Variants in INSYN1 observed in about 807,000 individuals in gnomAD.
INSYN1 encodes the protein inhibitory synaptic factor 1.
A neutral mutation model predicts 17.1 loss-of-function variants in INSYN1; 7 were observed. The observed-to-expected ratio is 0.41, with a 90% CI of 0.23 to 0.77. The LOEUF (loss-of-function observed/expected upper bound fraction) is 0.77, where lower values mean the gene tolerates loss of function less well. INSYN1 is among the 30% of genes least tolerant of loss of function. The pLI, the probability that INSYN1 is intolerant of heterozygous loss-of-function variation, is 0.32. For synonymous variants in INSYN1, 174 were observed against 166.3 expected (o/e 1.05, Z -0.36); for missense variants, 339 against 400.6 (o/e 0.85, Z 1.31).
chr15:73,747,164 C>A (rs1338469434), intron 2 of INSYN1, among the ~76,000 whole-genome samples: 1 of 152,164 alleles, frequency 6.6e-6, no homozygotes, highest in Non-Finnish European at 1.5e-5. Context: ...CCGGCTGCAC[C>A]CTCAGCCGGG....
intron 2 of INSYN1, among the ~76,000 whole-genome samples, chr15:73,743,070 C>A (rs1596037451): frequency 6.6e-6 from 1 of 152,326 alleles, no homozygotes; most frequent in Non-Finnish European, 1.5e-5. Flanking sequence ...AAATGAGACT[C>A]CCCTGATCAA....
chr15:73,745,521 C>T (rs1012733230), intron 2 of INSYN1, among the ~76,000 whole-genome samples: 96 of 152,198 alleles, frequency 6.3e-4, no homozygotes, highest in African/African-American at 2.3e-3. Context: ...CAATTTTGCA[C>T]CTATATGTTA....
Position 73,740,513 on chromosome 15 carries a change from C to T in INSYN1, c.286G>A (p.Gly96Ser). 1.2e-6 allele frequency: 2 copies of T among 1,614,038 alleles called. No individual in the cohort carries two copies. The highest frequency in any genetic ancestry group is 1.7e-6 in the Non-Finnish European group (2 of 1,180,038). Residue 96 changes from glycine to serine, a missense_variant, in exon 3 of 3, where the codon GGC becomes AGC. Physicochemically the swap from Gly to Ser is moderately conservative, Grantham distance 56. Coordinates refer to ENST00000569673, the MANE Select transcript of INSYN1 (RefSeq NM_001039614.3). ...KAGMGGPFDL[G>S]HLDFMTADIL... is the part of the protein sequence containing the mutation. ...TCGGCTGTCATGAAGTCCAGGTGGC[C>T]CAGGTCAAAGGGGCCACCCATGCCC...
intron 1 of INSYN1, among the ~76,000 whole-genome samples, 187 bp from the exon 2 acceptor site, chr15:73,751,884 C>T (rs1009720839): frequency 4.6e-5 from 7 of 152,088 alleles, no homozygotes; most frequent in South Asian, 2.1e-4. Flanking sequence ...GGGAGGGAGC[C>T]CCTGCTTTAG....
rs1567034936 is a variant in INSYN1 at position 73,739,977 on chromosome 15, CTT to C, written c.820_821del (p.Lys274GlufsTer12). The C allele has an allele frequency of 3.1e-6, 5 of 1,610,030 alleles. No individual in the cohort carries two copies. The highest frequency in any genetic ancestry group is 4.2e-6 in the Non-Finnish European group (5 of 1,178,800). On this transcript the variant is annotated frameshift_variant, in exon 3 of 3. Transcript: ENST00000569673. LOFTEE classifies it high-confidence loss of function. ...RNSSTQTVSDKSTQTVLPYTA... is the reference protein window; with the variant it reads ...RNSSTQTVSDXSTQTVLPYTA... ...TGTAGGGCAGAACCGTCTGCGTGCT[CTT>C]GTCTGACACTGTCTGGGTGCTGCTG...
In INSYN1 at chr15:73,752,626, G is replaced by A. The variant is rs1387275396; in HGVS notation, c.-1084C>T. On this transcript the variant is annotated 5_prime_UTR_variant, in exon 1 of 3. Coordinates refer to ENST00000569673, the MANE Select transcript of INSYN1 (RefSeq NM_001039614.3). The surrounding 1 kb of genome is among the most constrained non-coding windows in gnomAD (Gnocchi z 5.2). ...GTGAGCTGGCACCGCCGGGCGCCCG[G>A]GACGCGCTCAGCCCGGACCCAGAAC... The A allele has an allele frequency of 6.6e-6, 1 of 152,240 alleles. No homozygotes were observed. Among genetic ancestry groups the A allele is most frequent in the Non-Finnish European group, 1.5e-5 (1 of 68,166 alleles). 9.4% of individuals were successfully genotyped at this position (152,240 alleles called of 1,614,324 possible).
rs1428210147 is a variant in INSYN1, at chr15:73,736,028, G to T, written c.*3889C>A. On this transcript the variant is annotated 3_prime_UTR_variant, in exon 3 of 3. Coordinates refer to ENST00000569673, the MANE Select transcript of INSYN1 (RefSeq NM_001039614.3). ...CACAAGCCTGTGCACACAGTAGGTGGTCAGTGGAATAGGACTTCCCGGAAG... is the reference window on the plus strand; with the variant it reads ...CACAAGCCTGTGCACACAGTAGGTGTTCAGTGGAATAGGACTTCCCGGAAG... 1 of 152,278 alleles carries T rather than the reference G, an allele frequency of 6.6e-6. No individual in the cohort carries two copies. Among genetic ancestry groups the T allele is most frequent in the Non-Finnish European group, 1.5e-5 (1 of 68,080 alleles). 9.4% of individuals were successfully genotyped at this position (152,278 alleles called of 1,614,324 possible).
chr15:73,741,660 A>C (rs1316262131), intron 2 of INSYN1, among the ~76,000 whole-genome samples: 1 of 152,200 alleles, frequency 6.6e-6, no homozygotes, highest in Non-Finnish European at 1.5e-5. Flanking sequence ...CAGAAAAACA[A>C]TGAAAACAAA....
At chr15:73,744,498 T>A (rs1301829060) in intron 2 of INSYN1, among the ~76,000 whole-genome samples, 1 of 152,158 alleles carries the variant, frequency 6.6e-6, no homozygotes, top group African/African-American at 2.4e-5. Context: ...CCCAAGGGTA[T>A]GCAGCTTCTC....
chr15:73,750,566 C>T (rs894926274), intron 2 of INSYN1, among the ~76,000 whole-genome samples: 2 of 152,208 alleles, frequency 1.3e-5, no homozygotes, highest in Non-Finnish European at 2.9e-5. Context: ...GCACAACTAT[C>T]TGCACTCTCC....
rs1901596910 is a variant in INSYN1, at chr15:73,738,737, A to T, written c.*1180T>A. 6.6e-6 allele frequency: 1 copy of T among 152,200 alleles called. No individual in the cohort carries two copies. The highest frequency in any genetic ancestry group is 1.5e-5 in the Non-Finnish European group (1 of 68,054). 9.4% of individuals were successfully genotyped at this position (152,200 alleles called of 1,614,324 possible). A position where few individuals can be genotyped will look rare whatever the true frequency, so the allele number is the denominator to read the frequency against. ...AAAGAAAGAAAAAGAAAAATGGGGT[A>T]ATAATACTTCCTGTCTCATCAGGTT... On this transcript the variant is annotated 3_prime_UTR_variant, in exon 3 of 3. Transcript: ENST00000569673.
At chr15:73,749,117 C>A (rs528688094) in intron 2 of INSYN1, among the ~76,000 whole-genome samples, 5 of 152,146 alleles carry the variant, frequency 3.3e-5, no homozygotes, top group Non-Finnish European at 5.9e-5. Context: ...AAACGATCTG[C>A]AAATAAATCC....
intron 2 of INSYN1, among the ~76,000 whole-genome samples, chr15:73,743,573 A>C (rs1223302698): frequency 6.6e-6 from 1 of 152,012 alleles, no homozygotes; most frequent in African/African-American, 2.4e-5. Flanking sequence ...TAATCCCAGC[A>C]CTTTGGGAGG....
rs1256938026 is a variant in INSYN1 at position 73,752,800 on chromosome 15, G to A, written c.-1258C>T. 1 of 151,622 alleles carries A rather than the reference G, an allele frequency of 6.6e-6. No individual in the cohort carries two copies. The highest frequency in any genetic ancestry group is 6.6e-5 in the Admixed American group (1 of 15,240). 9.4% of individuals were successfully genotyped at this position (151,622 alleles called of 1,614,324 possible). ...CACCGGGTCCCCGAGGAGGGGCGAT[G>A]TCAGCCGCGGGGACCCGGTCCCCGC... On this transcript the variant is annotated 5_prime_UTR_variant, in exon 1 of 3. Transcript: ENST00000569673. The surrounding 1 kb of genome is among the most constrained non-coding windows in gnomAD (Gnocchi z 5.2).
In INSYN1 at chr15:73,740,138, G is replaced by C. The variant is rs150411210; in HGVS notation, c.661C>G (p.Pro221Ala). ...EEEEVGLPPE[P>A]AHTEAHAGPH... Reference sequence around the variant, plus strand: ...CCTGCATGGGCCTCTGTATGGGCAGGCTCAGGGGGCAAGCCCACTTCTTCC... The same window carrying C: ...CCTGCATGGGCCTCTGTATGGGCAGCCTCAGGGGGCAAGCCCACTTCTTCC... The change falls in exon 3 of 3, where the codon CCT (proline) becomes GCT (alanine). Residue 221 changes from proline to alanine, a missense_variant. Physicochemically the swap from Pro to Ala is conservative, Grantham distance 27. Transcript: ENST00000569673. 2.6e-3 allele frequency: 4,154 copies of C among 1,613,842 alleles called. 10 individuals carry two copies. Among genetic ancestry groups the C allele is most frequent in the Non-Finnish European group, 3.3e-3 (3,889 of 1,179,916 alleles).
At chr15:73,749,801 C>T (rs1018796351) in intron 2 of INSYN1, among the ~76,000 whole-genome samples, 3 of 152,200 alleles carry the variant, frequency 2.0e-5, no homozygotes, top group African/African-American at 7.2e-5. Flanking sequence ...GTAGGCTCCA[C>T]GAGGCTGACC....
Position 73,753,249 on chromosome 15 carries a change from C to T in INSYN1, c.-1707G>A, listed in dbSNP as rs1348303350. 6.8e-6 allele frequency among the ~76,000 whole-genome samples: 1 copy of T among 146,448 alleles called. No homozygotes were observed. The highest frequency in any genetic ancestry group is 2.0e-4 in the East Asian group (1 of 5,004). ...CGCCCCGGCCGCCCCCGGCCCGCCC[C>T]GCCGCCCCCCGCCGGACTGGCCGCC... On this transcript the variant is annotated 5_prime_UTR_variant, in exon 1 of 3. Coordinates refer to ENST00000569673, the MANE Select transcript of INSYN1 (RefSeq NM_001039614.3). The surrounding 1 kb of genome is among the most constrained non-coding windows in gnomAD (Gnocchi z 4.2).
Position 73,752,780 on chromosome 15 carries a change from G to A in INSYN1, c.-1238C>T, listed in dbSNP as rs1247418569. 1 of 151,728 alleles carries A rather than the reference G, an allele frequency of 6.6e-6. No homozygotes were observed. The highest frequency in any genetic ancestry group is 2.0e-4 in the East Asian group (1 of 5,092). 9.4% of individuals were successfully genotyped at this position (151,728 alleles called of 1,614,324 possible). A position where few individuals can be genotyped will look rare whatever the true frequency, so the allele number is the denominator to read the frequency against. ...GTTCCGAAAGGTCCGGAATCCACCG[G>A]GTCCCCGAGGAGGGGCGATGTCAGC... On this transcript the variant is annotated 5_prime_UTR_variant, in exon 1 of 3. Coordinates refer to ENST00000569673, the MANE Select transcript of INSYN1 (RefSeq NM_001039614.3). This position sits in a 1 kb window ranked among gnomAD's most constrained non-coding sequence, Gnocchi z 5.2.
Position 73,747,155 on chromosome 15 carries a change from C to T in INSYN1, c.156+3820G>A, listed in dbSNP as rs114848600. Reference sequence around the variant, plus strand: ...CACTTCCTCTTCGAGACCTTGGCACCGGCTGCACCCTCAGCCGGGAATGCT... The same window carrying T: ...CACTTCCTCTTCGAGACCTTGGCACTGGCTGCACCCTCAGCCGGGAATGCT... On this transcript the variant is annotated intron_variant, in intron 2 of 2. Transcript: ENST00000569673. Among the ~76,000 whole-genome samples, 535 of 152,292 alleles carry T rather than the reference C, an allele frequency of 3.5e-3. 1 individual carries two copies. Among genetic ancestry groups the T allele is most frequent in the African/African-American group, 0.012 (507 of 41,550 alleles).
Sources: allele counts gnomAD v4.1 joint callset (sites outside exome capture counted in the v4.1 genomes callset), GRCh38; gene constraint gnomAD v4.1.1; non-coding constraint Gnocchi (gnomAD v3.1); transcripts MANE v1.5; gene names NCBI Gene and HGNC (gene_info 2026-07-23, HGNC 2026-07-21).